The following REEP1 variants were observed in gnomAD, a reference collection of about 807,000 sequenced individuals.
REEP1 encodes receptor accessory protein 1.
REEP1 carries 22 observed loss-of-function variants against 40.3 expected under a neutral mutation model. That is an observed-to-expected ratio of 0.55 (90% CI 0.39 to 0.78). The LOEUF is 0.78. Among genes scored for constraint, REEP1 ranks in the 30% least tolerant of loss-of-function variants. REEP1 has a pLI of 0.00. For synonymous variants in REEP1, 116 were observed against 139.2 expected (o/e 0.83, Z 1.17); for missense variants, 280 against 361.1 (o/e 0.78, Z 1.82).
rs148829540 is a variant in REEP1, at chr2:86,243,501, C to T, written c.417+8456G>A. 2.7e-4 allele frequency among the ~76,000 whole-genome samples: 41 copies of T among 152,290 alleles called. 1 individual carries two copies. In the East Asian group the frequency reaches 5.2e-3, roughly 19 times the overall value. Reference sequence around the variant, plus strand: ...TGAATTCCTGGCCCTTCCTCTTCAGCTGAGTGTGATGTGGGTGTTTCATTC... The same window carrying T: ...TGAATTCCTGGCCCTTCCTCTTCAGTTGAGTGTGATGTGGGTGTTTCATTC... On this transcript the variant is annotated intron_variant, in intron 5 of 8. Transcript: ENST00000538924.
intron 5 of REEP1, chr2:86,240,193 C>G (rs1675598214): frequency 6.6e-6 from 1 of 152,492 alleles, no homozygotes. Context: ...CATTTATTCA[C>G]TCACTTGCAA....
intron 2 of REEP1, among the ~76,000 whole-genome samples, chr2:86,275,390 T>C (rs536903336): frequency 1.1e-4 from 16 of 152,336 alleles, no homozygotes; most frequent in Admixed American, 2.0e-4. Context: ...GGGGCCTCAA[T>C]GATTACAGAG....
chr2:86,299,252 A>G (rs889936431), intron 1 of REEP1, among the ~76,000 whole-genome samples: 3 of 152,154 alleles, frequency 2.0e-5, no homozygotes, highest in Non-Finnish European at 4.4e-5. Context: ...AATCCTATGC[A>G]TTCTTCTAAT....
intron 5 of REEP1, among the ~76,000 whole-genome samples, chr2:86,233,347 A>G (rs1675131541): frequency 6.6e-6 from 1 of 152,198 alleles, no homozygotes; most frequent in African/African-American, 2.4e-5. Flanking sequence ...ATAGCATATT[A>G]CTGTCTACGA....
chr2:86,241,388 C>CAGTA (rs1179917977), intron 5 of REEP1, among the ~76,000 whole-genome samples: 4 of 152,196 alleles, frequency 2.6e-5, no homozygotes, highest in Admixed American at 1.3e-4. Context: ...CTTACGGTGA[C>CAGTA]AGGTACTTGT....
intron 1 of REEP1, among the ~76,000 whole-genome samples, chr2:86,296,590 C>T (rs1452243621): frequency 6.6e-6 from 1 of 152,254 alleles, no homozygotes; most frequent in Admixed American, 6.5e-5. Flanking sequence ...GGCATAGTGG[C>T]TCATGCCTGT....
chr2:86,270,013 T>C (rs560256812), intron 2 of REEP1, among the ~76,000 whole-genome samples: 72 of 152,174 alleles, frequency 4.7e-4, no homozygotes, highest in African/African-American at 1.7e-3. Flanking sequence ...AATTAAAAAA[T>C]GGGCAAAAGA....
Position 86,286,693 on chromosome 2 carries a change from T to C in REEP1, c.33-4451A>G, listed in dbSNP as rs541724953. On this transcript the variant is annotated intron_variant, in intron 1 of 8. Coordinates refer to ENST00000538924, the MANE Select transcript of REEP1 (RefSeq NM_001371279.1). The stretch of plus-strand genomic sequence containing the variant: ...CACAGCTCTGAAGTTGCTTATCAAC[T>C]TCCTGGAGCTCTGGCCAGAAGAGAG... Among the ~76,000 whole-genome samples, 8 of 152,288 alleles carry C rather than the reference T, an allele frequency of 5.3e-5. No homozygotes were observed. In the South Asian group the frequency reaches 8.3e-4, roughly 16 times the overall value.
chr2:86,317,281 A>G (rs1037401826), intron 1 of REEP1, among the ~76,000 whole-genome samples: 7 of 152,166 alleles, frequency 4.6e-5, no homozygotes, highest in Non-Finnish European at 1.0e-4. Flanking sequence ...AAACACCAAT[A>G]AAGGATTTTT....
rs1676668421 is a variant in REEP1, at chr2:86,258,063, GTAAC to G, written c.183-3253_183-3250del. ...CTCTTTGTGAACGGTGCTGAGGGGA[GTAAC>G]TATCAGCGCTTCAGTGCTAGGGTTC... is the stretch of plus-strand genomic sequence containing the variant. On this transcript the variant is annotated intron_variant, in intron 3 of 8. Coordinates refer to ENST00000538924, the MANE Select transcript of REEP1 (RefSeq NM_001371279.1). Among the ~76,000 whole-genome samples, 3 of 152,374 alleles carry G rather than the reference GTAAC, an allele frequency of 2.0e-5. No homozygotes were observed. In the South Asian group the frequency reaches 6.2e-4, roughly 32 times the overall value.
intron 1 of REEP1, among the ~76,000 whole-genome samples, chr2:86,293,482 T>A (rs1418797532): frequency 6.6e-6 from 1 of 152,242 alleles, no homozygotes; most frequent in Non-Finnish European, 1.5e-5. Flanking sequence ...TTGGAGGCAA[T>A]GAACCTGTTC....
Position 86,232,791 on chromosome 2 carries a change from G to T in REEP1, c.429C>A (p.Ala143=). 1 of 1,601,500 alleles carries T rather than the reference G, an allele frequency of 6.2e-7. No individual in the cohort carries two copies. The highest frequency in any genetic ancestry group is 2.2e-5 in the East Asian group (1 of 44,868). The part of the protein sequence containing the change: ...AVMAASKGQG[A]LSERLRSFSM... ...TGAAGCTCCGCAGTCTCTCCGATAA[G>T]GCACCCTGTCCCTGGATACAACACA... The change falls in exon 6 of 9, where the codon GCC becomes GCA. Residue 143 remains alanine, a synonymous_variant. Transcript: ENST00000538924.
At chr2:86,298,301 G>A (rs1225700638) in intron 1 of REEP1, among the ~76,000 whole-genome samples, 1 of 152,210 alleles carries the variant, frequency 6.6e-6, no homozygotes, top group Non-Finnish European at 1.5e-5. Flanking sequence ...GTGGCACAGG[G>A]ATGGGCTCCC....
chr2:86,240,487 C>T (rs933941348), intron 5 of REEP1, among the ~76,000 whole-genome samples: 4 of 152,140 alleles, frequency 2.6e-5, no homozygotes, highest in African/African-American at 4.8e-5. Flanking sequence ...TCCTCTGAAG[C>T]GGGCGGGGGA....
intron 5 of REEP1, among the ~76,000 whole-genome samples, chr2:86,245,761 T>G (rs2104169304): frequency 1.3e-5 from 2 of 149,412 alleles, no homozygotes; most frequent in South Asian, 4.2e-4. Flanking sequence ...CAACATATAC[T>G]CAATTTTTTT....
Position 86,275,560 on chromosome 2 carries a change from G to C in REEP1, c.105+6610C>G, listed in dbSNP as rs567091358. Among the ~76,000 whole-genome samples, 5 of 152,294 alleles carry C rather than the reference G, an allele frequency of 3.3e-5. No individual in the cohort carries two copies. The East Asian group carries it at 9.6e-4, about 29-fold the overall frequency. On this transcript the variant is annotated intron_variant, in intron 2 of 8. Coordinates refer to ENST00000538924, the MANE Select transcript of REEP1 (RefSeq NM_001371279.1). The stretch of plus-strand genomic sequence containing the variant: ...CCCAGAGCCAGGTCCCAGACAACTA[G>C]AGGCAGCGCCCACACCTTGGAGCCT...
At chr2:86,331,596 G>A (rs1345325086) in intron 1 of REEP1, among the ~76,000 whole-genome samples, 1 of 152,136 alleles carries the variant, frequency 6.6e-6, no homozygotes, top group Non-Finnish European at 1.5e-5. Flanking sequence ...AGCAGGGCAA[G>A]ACAGCCTCTA....
chr2:86,271,819 C>T (rs1333532887), intron 2 of REEP1, among the ~76,000 whole-genome samples: 3 of 152,254 alleles, frequency 2.0e-5, no homozygotes, highest in Non-Finnish European at 4.4e-5. Context: ...AGTATCCAGA[C>T]ACATTGTCAG....
At chr2:86,315,069 AAGACCCTGCAGGGCCCTTG>A (rs1427974805) in intron 1 of REEP1, among the ~76,000 whole-genome samples, 3 of 151,740 alleles carry the variant, frequency 2.0e-5, no homozygotes, top group Non-Finnish European at 4.4e-5. Flanking sequence ...ATAAACATCA[AAGACCCTGCAGGGCCCTTG>A]AGACCCTGGA....
Sources: gnomAD v4.1 joint callset for allele counts (sites outside exome capture counted in the v4.1 genomes callset) on GRCh38, gnomAD v4.1.1 for gene constraint, MANE v1.5 for transcripts, NCBI Gene and HGNC (gene_info 2026-07-23, HGNC 2026-07-21) for gene names.